Variants in PDIA6 observed in about 807,000 individuals in gnomAD.
PDIA6 encodes the protein protein disulfide-isomerase A6.
Under a neutral mutation model 58.4 loss-of-function variants are expected in PDIA6, and 29 were observed. The observed-to-expected ratio is 0.50, with a 90% confidence interval of 0.37 to 0.68. The LOEUF is 0.68. Among genes scored for constraint, PDIA6 ranks in the 30% least tolerant of loss-of-function variants. The pLI, the probability that PDIA6 is intolerant of heterozygous loss-of-function variation, is 0.00. For synonymous variants in PDIA6, 192 were observed against 202.6 expected (o/e 0.95, Z 0.44); for missense variants, 480 against 551.0 (o/e 0.87, Z 1.29).
chr2:10,786,230 G>A (rs1156638794), intron 11 of PDIA6, among the ~76,000 whole-genome samples: 2 of 152,100 alleles, frequency 1.3e-5, no homozygotes, highest in Non-Finnish European at 2.9e-5. Flanking sequence ...GGCTGAGGCA[G>A]GAGAATCACT....
upstream of PDIA6, among the ~76,000 whole-genome samples, chr2:10,816,099 T>TTTTTTTG (rs869215099): frequency 7.3e-6 from 1 of 136,660 alleles, no homozygotes; most frequent in Non-Finnish European, 1.6e-5. Flanking sequence ...TTTTTTTTTT[T>TTTTTTTG]GAGATGGAGT....
rs769221667 is a variant in PDIA6 at position 10,791,801 on chromosome 2, C to T, written c.578G>A (p.Cys193Tyr). 1.2e-6 allele frequency: 2 copies of T among 1,611,276 alleles called. No homozygotes were observed. The highest frequency in any genetic ancestry group is 1.7e-5 in the Admixed American group (1 of 59,248). Residue 193 changes from cysteine to tyrosine, a missense_variant, in exon 6 of 13, where the codon TGC becomes TAC. Transcript: ENST00000272227. Reference protein sequence around the residue: ...VEFYAPWCGHCKNLEPEWAAA... With the variant: ...VEFYAPWCGHYKNLEPEWAAA... Reference sequence around the variant, plus strand: ...CTTAGTAGAAGGCACTTACTTTTTGCAGTGTCCACACCAAGGAGCATAGAA... The same window carrying T: ...CTTAGTAGAAGGCACTTACTTTTTGTAGTGTCCACACCAAGGAGCATAGAA...
At chr2:10,789,708 TAA>T in intron 8 of PDIA6, 39 bp downstream of exon 8, 1 of 1,597,140 alleles carries the variant, frequency 6.3e-7, no homozygotes, top group Non-Finnish European at 8.6e-7. Flanking sequence ...CACCATCAGC[TAA>T]AAAAGCTTTC....
intron 1 of PDIA6, among the ~76,000 whole-genome samples, chr2:10,830,520 T>A (rs961205878): frequency 6.6e-6 from 1 of 152,166 alleles, no homozygotes; most frequent in Non-Finnish European, 1.5e-5. Context: ...GCAGGGCCTT[T>A]CCTCCCTGGC....
At chr2:10,791,174 CCTT>C (rs2148538502) in intron 6 of PDIA6, among the ~76,000 whole-genome samples, 1 of 151,926 alleles carries the variant, frequency 6.6e-6, no homozygotes, top group East Asian at 1.9e-4. Flanking sequence ...GACAGAGTCT[CCTT>C]CTATTATCCA....
At chr2:10,832,418 G>GGTTT in exon 1 of PDIA6, 1 of 985,472 alleles carries the variant, frequency 1.0e-6, no homozygotes, top group Non-Finnish European at 1.2e-6. Flanking sequence ...CCACCTGGTG[G>GGTTT]GATTCTATTA....
chr2:10,823,085 T>C (rs960536796), intron 1 of PDIA6: 2 of 152,272 alleles, frequency 1.3e-5, no homozygotes, highest in African/African-American at 4.8e-5. Context: ...CTATGACTCC[T>C]TTCTCCAGAA....
chr2:10,789,812 G>T lies in PDIA6; in HGVS notation c.777C>A (p.Ser259=). 6.2e-7 allele frequency: 1 copy of T among 1,613,536 alleles called. No individual in the cohort carries two copies. Among genetic ancestry groups the T allele is most frequent in the Non-Finnish European group, 8.5e-7 (1 of 1,179,746 alleles). ...PVDYDGGRTR[S]DIVSRALDLF... ...AATCAAGGGCCCGGGACACGATGTC[G>T]GATCTTGTCCGCCCACCGTCATAAT... The change falls in exon 8 of 13, where the codon TCC becomes TCA. Residue 259 remains serine, a synonymous_variant. Coordinates refer to ENST00000272227, the MANE Select transcript of PDIA6 (RefSeq NM_005742.4).
chr2:10,820,448 A>G lies in PDIA6; in HGVS notation c.-47-1094T>C, dbSNP rs141850229. Reference sequence around the variant, plus strand: ...TCTTTTTTACTGTACACGTGTTAACAAAGAAGGGGAAGATGGAGCTTCCAT... The same window carrying G: ...TCTTTTTTACTGTACACGTGTTAACGAAGAAGGGGAAGATGGAGCTTCCAT... On this transcript the variant is annotated intron_variant, in intron 1 of 13. Transcript: ENST00000381611. 1.0e-3 allele frequency among the ~76,000 whole-genome samples: 155 copies of G among 152,314 alleles called. 1 individual carries two copies. The highest frequency in any genetic ancestry group is 3.7e-3 in the African/African-American group (152 of 41,568).
chr2:10,810,320 C>T, intron 1 of PDIA6: 1 of 1,531,456 alleles, frequency 6.5e-7, no homozygotes, highest in Non-Finnish European at 8.7e-7. Context: ...CACAGAGCAT[C>T]ATTAGGTAGA....
Position 10,790,805 on chromosome 2 carries a change from A to C in PDIA6, c.613T>G (p.Ser205Ala). The change falls in exon 7 of 13, where the codon TCA (serine) becomes GCA (alanine). Residue 205 changes from serine to alanine, a missense_variant. Ser to Ala is a moderately conservative substitution (Grantham distance 99). Coordinates refer to ENST00000272227, the MANE Select transcript of PDIA6 (RefSeq NM_005742.4). Reference protein sequence around the residue: ...NLEPEWAAAASEVKEQTKGKV... With the variant: ...NLEPEWAAAAAEVKEQTKGKV... ...CCTTTCGTCTGCTCTTTTACTTCTGAAGCTGCGGCAGCCCACTCTGGCTCT... is the reference window on the plus strand; with the variant it reads ...CCTTTCGTCTGCTCTTTTACTTCTGCAGCTGCGGCAGCCCACTCTGGCTCT... 1 of 1,614,054 alleles carries C rather than the reference A, an allele frequency of 6.2e-7. No homozygotes were observed. Among genetic ancestry groups the C allele is most frequent in the Non-Finnish European group, 8.5e-7 (1 of 1,179,916 alleles).
chr2:10,824,140 G>A (rs1667481691), intron 1 of PDIA6, among the ~76,000 whole-genome samples: 1 of 151,688 alleles, frequency 6.6e-6, no homozygotes, highest in South Asian at 2.1e-4. Flanking sequence ...AAAAATGTTG[G>A]TTCCATACTG....
At chr2:10,799,279 A>G (rs182157579) in intron 2 of PDIA6, among the ~76,000 whole-genome samples, 11 of 152,356 alleles carry the variant, frequency 7.2e-5, no homozygotes, top group African/African-American at 2.4e-4. Flanking sequence ...ATTTTTAAAA[A>G]CAAAGTAAAT....
chr2:10,807,416 C>T (rs1666810345), intron 1 of PDIA6, among the ~76,000 whole-genome samples: 1 of 152,192 alleles, frequency 6.6e-6, no homozygotes, highest in Non-Finnish European at 1.5e-5. Flanking sequence ...GTTGCCCAGG[C>T]TGGTCTCAAG....
At chr2:10,802,666 A>T in intron 1 of PDIA6, 26 bp from the exon 2 acceptor site, 2 of 1,404,868 alleles carry the variant, frequency 1.4e-6, no homozygotes, top group Non-Finnish European at 1.9e-6. Flanking sequence ...AAAGTGCACC[A>T]TTAACAGCAC....
upstream of PDIA6, among the ~76,000 whole-genome samples, chr2:10,835,085 A>G (rs1553342894): frequency 6.6e-6 from 1 of 152,090 alleles, no homozygotes; most frequent in Non-Finnish European, 1.5e-5. Context: ...AACTAATTTC[A>G]TAGCGTGGGT....
rs750321012 is a variant in PDIA6, at chr2:10,818,481, AATTTATTTATTT to A, written c.34+781_34+792del. Among the ~76,000 whole-genome samples the A allele has an allele frequency of 9.0e-3, 1,043 of 115,706 alleles. 4 individuals are homozygous for A. The highest frequency in any genetic ancestry group is 0.017 in the Middle Eastern group (4 of 240). The allele number at this position is 115,706 out of a possible 152,430, so 75.9% of individuals were successfully genotyped here. On this transcript the variant is annotated intron_variant, in intron 2 of 13. Transcript: ENST00000381611. ...TGTGCCCAGCTCACTTTAACCATTT[AATTTATTTATTT>A]ATTTATTTATTTATTTATTTATTTA...
chr2:10,787,044 C>T (rs1214794109), intron 11 of PDIA6, among the ~76,000 whole-genome samples: 1 of 152,122 alleles, frequency 6.6e-6, no homozygotes, highest in Non-Finnish European at 1.5e-5. Flanking sequence ...GCACACAGGG[C>T]GGCCCGAGGG....
chr2:10,824,335 T>C (rs1667489817), intron 1 of PDIA6, among the ~76,000 whole-genome samples: 1 of 152,254 alleles, frequency 6.6e-6, no homozygotes, highest in Non-Finnish European at 1.5e-5. Context: ...TACATGTCTG[T>C]GGCCGATGAC....
Sources: gnomAD v4.1 joint callset for allele counts (sites outside exome capture counted in the v4.1 genomes callset) on GRCh38, gnomAD v4.1.1 for gene constraint, MANE v1.5 for transcripts, NCBI Gene and HGNC (gene_info 2026-07-23, HGNC 2026-07-21) for gene names.